The following UTP15 variants were observed in gnomAD, a reference collection of about 807,000 sequenced individuals.
The protein encoded by UTP15 is UTP15 small subunit processome component, also known as U3 small nucleolar RNA-associated protein 15 homolog.
A neutral mutation model predicts 59.1 loss-of-function variants in UTP15; 5 were observed. The ratio of observed to expected loss-of-function variants is 0.08; its 90% confidence interval spans 0.04 to 0.18. UTP15 has a LOEUF of 0.18. UTP15 is among the 10% of genes least tolerant of loss of function. The probability of loss-of-function intolerance (pLI) is 1.00; values close to 1 mark genes in which losing one functional copy is unlikely to be tolerated. For synonymous variants in UTP15, 211 were observed against 212.2 expected (o/e 0.99, Z 0.05); for missense variants, 494 against 616.7 (o/e 0.80, Z 2.11).
In UTP15 at chr5:73,578,501, A is replaced by G. The variant is rs541678584; in HGVS notation, c.1045-250A>G. 252 of 414,704 alleles carry G rather than the reference A, an allele frequency of 6.1e-4. 1 individual carries two copies. Among genetic ancestry groups the G allele is most frequent in the African/African-American group, 4.6e-3 (228 of 49,852 alleles). The allele number at this position is 414,704 out of a possible 1,614,324, so 25.7% of individuals were successfully genotyped here. Reference sequence around the variant, plus strand: ...AGTAATTTTTACCTAGAATTAAGGCAATGGTGCATGTTGTAAGTTAAAATT... The same window carrying G: ...AGTAATTTTTACCTAGAATTAAGGCGATGGTGCATGTTGTAAGTTAAAATT... On this transcript the variant is annotated intron_variant, in intron 9 of 12. Transcript: ENST00000296792.
rs886064630 is a variant in UTP15 at position 73,580,844 on chromosome 5, C to A, written c.*750C>A. ...ATGATAGAATTTGTCATTTTTCTTA[C>A]AACAGCCTTTCAGACTATTCTTCAT... On this transcript the variant is annotated 3_prime_UTR_variant, in exon 13 of 13. Coordinates refer to ENST00000296792, the MANE Select transcript of UTP15 (RefSeq NM_032175.4). 3 of 151,876 alleles carry A rather than the reference C, an allele frequency of 2.0e-5. No homozygotes were observed. In the South Asian group the frequency reaches 6.3e-4, roughly 32 times the overall value. The allele number at this position is 151,876 out of a possible 1,614,324, so 9.4% of individuals were successfully genotyped here. A position where few individuals can be genotyped will look rare whatever the true frequency, so the allele number is the denominator to read the frequency against.
At position 73,572,579 on chromosome 5, in the gene UTP15, G is replaced by A. The variant is rs762063508; in HGVS notation, c.764G>A (p.Cys255Tyr). The A allele has an allele frequency of 6.2e-6, 10 of 1,614,042 alleles. No homozygotes were observed. The East Asian group carries it at 8.9e-5, about 14-fold the overall frequency. ...KNHHKTVTCL[C>Y]LSSSGQRLLS... ...CATCACAAAACCGTGACATGTTTAT[G>A]TCTAAGCAGCTCTGGACAGAGGTTA... Residue 255 changes from cysteine to tyrosine, a missense_variant, in exon 7 of 13, where the codon TGT (cysteine) becomes TAT (tyrosine). By Grantham distance (194) the Cys-to-Tyr change is radical. Coordinates refer to ENST00000296792, the MANE Select transcript of UTP15 (RefSeq NM_032175.4).
intron 7 of UTP15, among the ~76,000 whole-genome samples, chr5:73,576,189 C>G (rs1748084406): frequency 1.3e-5 from 2 of 151,794 alleles, no homozygotes; most frequent in African/African-American, 4.8e-5. Context: ...ACTGCAACCT[C>G]TGCCTCCCAG....
intron 4 of UTP15, 128 bp downstream of exon 4, chr5:73,568,732 C>A: frequency 1.2e-6 from 1 of 867,206 alleles, no homozygotes; most frequent in Non-Finnish European, 1.7e-6. Flanking sequence ...ACTATATTTC[C>A]TGATTGTTCT....
chr5:73,580,182 T>A lies in UTP15; in HGVS notation c.*88T>A. On this transcript the variant is annotated 3_prime_UTR_variant, in exon 13 of 13. Transcript: ENST00000296792. ...TGGCGAGAGACTCTCTTTGATACATTAAAAAAACTGTTTGCAGAAGCAGTT... is the reference window on the plus strand; with the variant it reads ...TGGCGAGAGACTCTCTTTGATACATAAAAAAAACTGTTTGCAGAAGCAGTT... 8.5e-7 allele frequency: 1 copy of A among 1,174,550 alleles called. No homozygotes were observed. Among genetic ancestry groups the A allele is most frequent in the Non-Finnish European group, 1.2e-6 (1 of 844,406 alleles). The allele number at this position is 1,174,550 out of a possible 1,614,324, so 72.8% of individuals were successfully genotyped here.
chr5:73,575,484 C>G (rs1561278506), intron 7 of UTP15, among the ~76,000 whole-genome samples: 2 of 152,074 alleles, frequency 1.3e-5, no homozygotes, highest in South Asian at 4.1e-4. Context: ...GAATTCTGTG[C>G]CCCAAAATGA....
intron 1 of UTP15, among the ~76,000 whole-genome samples, chr5:73,566,572 A>G (rs566639911): frequency 6.6e-6 from 1 of 152,360 alleles, no homozygotes; most frequent in East Asian, 1.9e-4. Context: ...TTTTTGGAAT[A>G]GATGATGAGC....
chr5:73,570,842 G>A (rs1747911541), intron 6 of UTP15, 131 bp downstream of exon 6: 1 of 1,269,446 alleles, frequency 7.9e-7, no homozygotes, highest in South Asian at 1.4e-5. Flanking sequence ...ACAGTTGATA[G>A]GTAGGACTGG....
intron 7 of UTP15, among the ~76,000 whole-genome samples, chr5:73,576,024 A>G (rs901283447): frequency 9.4e-5 from 14 of 148,272 alleles, no homozygotes; most frequent in Admixed American, 9.4e-4. Context: ...GCACCCGGCT[A>G]ATACCTTTTC....
chr5:73,575,603 C>T (rs200490877), intron 7 of UTP15, among the ~76,000 whole-genome samples: 2 of 151,418 alleles, frequency 1.3e-5, no homozygotes, highest in Non-Finnish European at 2.9e-5. Flanking sequence ...CTTCAAGTTG[C>T]CCAGGCTGGT....
Position 73,578,783 on chromosome 5 carries a change from G to A in UTP15, c.1077G>A (p.Lys359=). 1.2e-6 allele frequency: 2 copies of A among 1,613,684 alleles called. No individual in the cohort carries two copies. The highest frequency in any genetic ancestry group is 2.2e-5 in the East Asian group (1 of 44,862). Residue 359 remains lysine, a synonymous_variant, in exon 10 of 13, where the codon AAG becomes AAA. Coordinates refer to ENST00000296792, the MANE Select transcript of UTP15 (RefSeq NM_032175.4). Reference sequence around the variant, plus strand: ...TTTTGATTAACAGGCCAGCAAAGAAGCACCTAGAATTGTATGACAGGGATC... The same window carrying A: ...TTTTGATTAACAGGCCAGCAAAGAAACACCTAGAATTGTATGACAGGGATC... ...DDILINRPAK[K]HLELYDRDLK...
Position 73,576,940 on chromosome 5 carries a change from C to A in UTP15, c.810-12C>A. On this transcript the variant is annotated splice_polypyrimidine_tract_variant and intron_variant, in intron 7 of 12. Coordinates refer to ENST00000296792, the MANE Select transcript of UTP15 (RefSeq NM_032175.4). ...CAAGGTGATTTTTGACAAAGCTTTTCCTTTTTATTAGGAAGGTGAAAGTAT... is the reference window on the plus strand; with the variant it reads ...CAAGGTGATTTTTGACAAAGCTTTTACTTTTTATTAGGAAGGTGAAAGTAT... 1 of 1,564,860 alleles carries A rather than the reference C, an allele frequency of 6.4e-7. No homozygotes were observed. Among genetic ancestry groups the A allele is most frequent in the Non-Finnish European group, 8.6e-7 (1 of 1,159,648 alleles).
At chr5:73,568,985 G>A (rs1367116951) in intron 4 of UTP15, among the ~76,000 whole-genome samples, 1 of 152,166 alleles carries the variant, frequency 6.6e-6, no homozygotes, top group African/African-American at 2.4e-5. Flanking sequence ...TTGAAGTCAA[G>A]TAGGAAGGTG....
Position 73,582,180 on chromosome 5 carries a change from T to C in UTP15, c.*2086T>C, listed in dbSNP as rs902520522. 3 of 152,212 alleles carry C rather than the reference T, an allele frequency of 2.0e-5. No individual in the cohort carries two copies. Among genetic ancestry groups the C allele is most frequent in the Admixed American group, 6.5e-5 (1 of 15,274 alleles). 9.4% of individuals were successfully genotyped at this position (152,212 alleles called of 1,614,324 possible). A position where few individuals can be genotyped will look rare whatever the true frequency, so the allele number is the denominator to read the frequency against. On this transcript the variant is annotated 3_prime_UTR_variant, in exon 13 of 13. Coordinates refer to ENST00000296792, the MANE Select transcript of UTP15 (RefSeq NM_032175.4). Reference sequence around the variant, plus strand: ...GTTAACGAAAGTAGTTGATTCACTCTCGAAGTCCCTGAGTGTGAGCTCTTC... The same window carrying C: ...GTTAACGAAAGTAGTTGATTCACTCCCGAAGTCCCTGAGTGTGAGCTCTTC...
At position 73,581,103 on chromosome 5, in the gene UTP15, G is replaced by T. The variant is rs1168716860; in HGVS notation, c.*1009G>T. ...GGGTCTCGCTTTATCGCCCAGGCTGGAGTACAGTGATGCAATCTCAGTCCA... is the reference window on the plus strand; with the variant it reads ...GGGTCTCGCTTTATCGCCCAGGCTGTAGTACAGTGATGCAATCTCAGTCCA... On this transcript the variant is annotated 3_prime_UTR_variant, in exon 13 of 13. Transcript: ENST00000296792. 1.3e-5 allele frequency: 2 copies of T among 151,408 alleles called. No homozygotes were observed. The highest frequency in any genetic ancestry group is 1.9e-4 in the East Asian group (1 of 5,160). 9.4% of individuals were successfully genotyped at this position (151,408 alleles called of 1,614,324 possible). A position where few individuals can be genotyped will look rare whatever the true frequency, so the allele number is the denominator to read the frequency against.
chr5:73,579,739 CATTA>C lies in UTP15; in HGVS notation c.1340-129_1340-126del, dbSNP rs1173278563. 2.7e-4 allele frequency: 137 copies of C among 499,660 alleles called. 1 individual carries two copies. In the East Asian group the frequency reaches 3.8e-3, roughly 14 times the overall value. The allele number at this position is 499,660 out of a possible 1,614,324, so 31.0% of individuals were successfully genotyped here. ...AGGGATTGTTATACTTTCTATAAAT[CATTA>C]ATTAATTATAAAATAAGTACAGATT... On this transcript the variant is annotated intron_variant, in intron 12 of 12. Transcript: ENST00000296792.
intron 7 of UTP15, among the ~76,000 whole-genome samples, chr5:73,575,164 A>T (rs1027046809): frequency 1.3e-4 from 20 of 152,256 alleles, no homozygotes; most frequent in Non-Finnish European, 2.2e-4. Context: ...ATATTTTAAA[A>T]GCTAGAAAAT....
chr5:73,569,619 C>G lies in UTP15; in HGVS notation c.491C>G (p.Ser164Cys). ...GAAATTTTGACATTTAAAGAACACT[C>G]TGATTATGTGAGGTGTGGATGTGCT... is the stretch of plus-strand genomic sequence containing the variant. ...SKEILTFKEH[S>C]DYVRCGCASK... is the part of the protein sequence containing the mutation. Residue 164 changes from serine (S) to cysteine (C), a missense_variant, in exon 5 of 13, where the codon TCT (serine) becomes TGT (cysteine). By Grantham distance (112) the Ser-to-Cys change is moderately radical. Transcript: ENST00000296792. The G allele has an allele frequency of 1.9e-6, 3 of 1,613,652 alleles. No individual in the cohort carries two copies. The highest frequency in any genetic ancestry group is 2.5e-6 in the Non-Finnish European group (3 of 1,179,838).
chr5:73,568,186 A>T (rs1413850434), intron 2 of UTP15, 49 bp from the exon 3 acceptor site: 6 of 1,344,164 alleles, frequency 4.5e-6, no homozygotes, highest in Non-Finnish European at 6.2e-6. Context: ...ATGCATAAAT[A>T]GGTCTTACCA....
Sources: allele counts gnomAD v4.1 joint callset (sites outside exome capture counted in the v4.1 genomes callset), GRCh38; gene constraint gnomAD v4.1.1; transcripts MANE v1.5; gene names NCBI Gene and HGNC (gene_info 2026-07-23, HGNC 2026-07-21).